Variants in ADGRL3 observed in about 807,000 individuals in gnomAD.
ADGRL3 encodes adhesion G protein-coupled receptor L3.
Under a neutral mutation model 153.5 loss-of-function variants are expected in ADGRL3, and 62 were observed. That is an observed-to-expected ratio of 0.40 (90% CI 0.33 to 0.50). The LOEUF (loss-of-function observed/expected upper bound fraction) is 0.50. Ranked by LOEUF, ADGRL3 falls within the 20% of genes least tolerant of loss-of-function variation. The pLI is 0.47. For synonymous variants in ADGRL3, 710 were observed against 672.5 expected, an observed-to-expected ratio of 1.06 and a Z score of -0.86; for missense variants, 1,641 against 1,859.4, an observed-to-expected ratio of 0.88 and a Z score of 2.16.
intron 25 of ADGRL3, among the ~76,000 whole-genome samples, chr4:62,046,723 T>G (rs1290043406): frequency 6.6e-6 from 1 of 151,984 alleles, no homozygotes; most frequent in Non-Finnish European, 1.5e-5. Context: ...ATATTCTTCC[T>G]TTCACTTAGT....
chr4:61,465,949 C>A (rs972625905), intron 2 of ADGRL3, among the ~76,000 whole-genome samples: 2 of 151,580 alleles, frequency 1.3e-5, no homozygotes, highest in Non-Finnish European at 2.9e-5. Flanking sequence ...CCGTGAAACA[C>A]CCTCTGTACT....
At chr4:61,842,746 C>G (rs952004731) in intron 9 of ADGRL3, among the ~76,000 whole-genome samples, 1 of 152,096 alleles carries the variant, frequency 6.6e-6, no homozygotes, top group African/African-American at 2.4e-5. Context: ...CACCTGAAAG[C>G]GGTTTGTGTT....
At position 61,674,674 on chromosome 4, in the gene ADGRL3, A is replaced by G. The variant is rs569901034; in HGVS notation, c.474-2152A>G. On this transcript the variant is annotated intron_variant, in intron 5 of 26. Coordinates refer to ENST00000683033, the MANE Select transcript of ADGRL3 (RefSeq NM_001387552.1). ...CTAATTTTTCTATAACAAATACAAA[A>G]ATAACTTTATGAGTTCATATCCCTG... 2.0e-5 allele frequency among the ~76,000 whole-genome samples: 3 copies of G among 152,036 alleles called. No homozygotes were observed. In the South Asian group the frequency reaches 6.2e-4, roughly 31 times the overall value.
chr4:61,332,881 G>T (rs2095601654), intron 1 of ADGRL3, among the ~76,000 whole-genome samples: 1 of 152,070 alleles, frequency 6.6e-6, no homozygotes, highest in African/African-American at 2.4e-5. Flanking sequence ...AGGCTCTGAC[G>T]ATTGGGTTGC....
intron 5 of ADGRL3, among the ~76,000 whole-genome samples, chr4:61,637,380 C>T (rs2093470152): frequency 6.6e-6 from 1 of 152,132 alleles, no homozygotes; most frequent in Admixed American, 6.5e-5. Flanking sequence ...TCACCAGAAA[C>T]TAGTAGAGAT....
At chr4:62,054,231 T>G (rs924213096) in intron 25 of ADGRL3, among the ~76,000 whole-genome samples, 39 of 151,780 alleles carry the variant, frequency 2.6e-4, no homozygotes, top group African/African-American at 7.9e-4. Context: ...TGCAAAAGAA[T>G]TCAAAATGTT....
At chr4:61,419,962 A>AT (rs915223173) in intron 2 of ADGRL3, among the ~76,000 whole-genome samples, 23 of 150,626 alleles carry the variant, frequency 1.5e-4, no homozygotes, top group East Asian at 1.4e-3. Context: ...CCCGGCTGAT[A>AT]TTTTTTTTTA....
chr4:61,924,967 G>T (rs180802339), intron 13 of ADGRL3, among the ~76,000 whole-genome samples: 1 of 152,068 alleles, frequency 6.6e-6, no homozygotes, highest in East Asian at 1.9e-4. Context: ...TCTCTGCTTT[G>T]TTAAGATATA....
intron 21 of ADGRL3, among the ~76,000 whole-genome samples, chr4:62,011,356 G>A (rs1329525781): frequency 2.0e-5 from 3 of 152,084 alleles, no homozygotes; most frequent in African/African-American, 7.2e-5. Flanking sequence ...AAATATGATT[G>A]GAAGACAAAA....
chr4:61,515,535 C>A (rs926654742), intron 3 of ADGRL3, among the ~76,000 whole-genome samples: 2 of 152,084 alleles, frequency 1.3e-5, no homozygotes, highest in African/African-American at 4.8e-5. Flanking sequence ...TCACCAAATT[C>A]TCCAGCACCT....
chr4:61,760,373 C>A (rs1033637113), intron 8 of ADGRL3, among the ~76,000 whole-genome samples: 1 of 152,246 alleles, frequency 6.6e-6, no homozygotes, highest in East Asian at 1.9e-4. Context: ...GCCCCTCCCC[C>A]AGTCTCGCTG....
rs139876514 is a variant in ADGRL3 at position 62,021,013 on chromosome 4, A to C, written c.3396-7842A>C. 1.0e-3 allele frequency among the ~76,000 whole-genome samples: 156 copies of C among 152,206 alleles called. 3 individuals carry two copies. In the East Asian group the frequency reaches 0.029, roughly 28 times the overall value. On this transcript the variant is annotated intron_variant, in intron 21 of 26. Transcript: ENST00000683033. ...TGAGGCCCTTTAAATGTATGTATTA[A>C]AGATCAACTCAGAGACAGTGTCTCC...
Position 61,579,701 on chromosome 4 carries a change from A to G in ADGRL3, c.260-7526A>G, listed in dbSNP as rs115629309. 2.1e-3 allele frequency: 865 copies of G among 421,006 alleles called. 11 individuals carry two copies. The highest frequency in any genetic ancestry group is 0.016 in the African/African-American group (745 of 47,066). 26.1% of individuals were successfully genotyped at this position (421,006 alleles called of 1,614,324 possible). A position where few individuals can be genotyped will look rare whatever the true frequency, so the allele number is the denominator to read the frequency against. Reference sequence around the variant, plus strand: ...CTATAAGTTCAGAAATTGTATATTAAAACATCTGAATTTCATGCTTTTCTT... The same window carrying G: ...CTATAAGTTCAGAAATTGTATATTAGAACATCTGAATTTCATGCTTTTCTT... On this transcript the variant is annotated intron_variant, in intron 4 of 26. Transcript: ENST00000683033.
At chr4:62,051,926 G>A (rs1171675701) in intron 25 of ADGRL3, among the ~76,000 whole-genome samples, 1 of 151,686 alleles carries the variant, frequency 6.6e-6, no homozygotes, top group African/African-American at 2.4e-5. Context: ...TTAGAGCTAA[G>A]TGTGAAGATT....
At chr4:61,206,247 G>C (rs1225422873) in intron 1 of ADGRL3, among the ~76,000 whole-genome samples, 1 of 152,106 alleles carries the variant, frequency 6.6e-6, no homozygotes, top group Admixed American at 6.5e-5. Flanking sequence ...TGAAAATTTG[G>C]TCCATATTAT....
intron 24 of ADGRL3, among the ~76,000 whole-genome samples, chr4:62,043,013 TC>T (rs1729200490): frequency 6.6e-6 from 1 of 152,094 alleles, no homozygotes; most frequent in South Asian, 2.1e-4. Context: ...TTTCCTTTGT[TC>T]CCAAGACATC....
intron 8 of ADGRL3, among the ~76,000 whole-genome samples, chr4:61,751,277 T>A (rs2096753404): frequency 6.6e-6 from 1 of 152,182 alleles, no homozygotes; most frequent in Non-Finnish European, 1.5e-5. Flanking sequence ...AAATAAGGTA[T>A]GACTTTTCAA....
intron 25 of ADGRL3, among the ~76,000 whole-genome samples, chr4:62,048,708 A>G (rs1294841727): frequency 1.3e-5 from 2 of 150,664 alleles, no homozygotes; most frequent in Admixed American, 6.6e-5. Context: ...AGGCTCCCAC[A>G]CCATTTTCTT....
At chr4:61,768,426 A>G (rs999246594) in intron 8 of ADGRL3, among the ~76,000 whole-genome samples, 3 of 151,944 alleles carry the variant, frequency 2.0e-5, no homozygotes, top group African/African-American at 4.8e-5. Context: ...GACAGGAGGG[A>G]GGGAAAGAAG....
Sources: gnomAD v4.1 joint callset for allele counts (sites outside exome capture counted in the v4.1 genomes callset) on GRCh38, gnomAD v4.1.1 for gene constraint, MANE v1.5 for transcripts, NCBI Gene and HGNC (gene_info 2026-07-23, HGNC 2026-07-21) for gene names.